NRG1: variants seen among roughly 807,000 people sequenced by gnomAD.
NRG1 encodes neuregulin 1, also known as pro-neuregulin-1, membrane-bound isoform.
NRG1 carries 18 observed loss-of-function variants against 63.8 expected under a neutral mutation model. The ratio of observed to expected loss-of-function variants is 0.28; its 90% confidence interval spans 0.19 to 0.42. The LOEUF is 0.42. NRG1 is among the 10% of genes least tolerant of loss of function. The pLI is 1.00. For missense variants in NRG1, 762 were observed against 814.7 expected (o/e 0.94, Z 0.79); for synonymous variants, 302 against 301.3 (o/e 1.00, Z -0.02).
intron 5 of NRG1, among the ~76,000 whole-genome samples, chr8:32,648,641 A>G (rs925309054): frequency 6.6e-6 from 1 of 152,238 alleles, no homozygotes. Flanking sequence ...GAAAAACTTC[A>G]GCATCTGCAA....
At chr8:32,104,147 C>T (rs547603607) in intron 1 of NRG1, among the ~76,000 whole-genome samples, 7 of 152,160 alleles carry the variant, frequency 4.6e-5, no homozygotes, top group African/African-American at 1.7e-4. Context: ...AAACATACTA[C>T]AGACATACTA....
intron 1 of NRG1, among the ~76,000 whole-genome samples, chr8:32,194,568 C>G (rs1341163449): frequency 6.6e-6 from 1 of 152,034 alleles, no homozygotes; most frequent in Admixed American, 6.6e-5. Context: ...AAAAATTCAG[C>G]CCAGTAGACA....
At chr8:32,305,720 G>A (rs373351249) in intron 1 of NRG1, among the ~76,000 whole-genome samples, 3 of 152,192 alleles carry the variant, frequency 2.0e-5, no homozygotes, top group East Asian at 3.9e-4. Flanking sequence ...TATAGTCCTA[G>A]CACTTGCTGA....
At chr8:32,394,397 G>GT (rs1415120150) in intron 1 of NRG1, among the ~76,000 whole-genome samples, 3 of 152,150 alleles carry the variant, frequency 2.0e-5, no homozygotes, top group African/African-American at 7.2e-5. Context: ...CTTAAGCCAC[G>GT]TTTTATCTAC....
chr8:32,714,826 G>A (rs903792216), intron 5 of NRG1, among the ~76,000 whole-genome samples: 8 of 152,082 alleles, frequency 5.3e-5, no homozygotes, highest in South Asian at 2.1e-4. Context: ...AAGCTCAAGC[G>A]CGTGCACGCA....
chr8:32,433,506 G>T (rs58536928), intron 1 of NRG1, among the ~76,000 whole-genome samples: 1 of 152,160 alleles, frequency 6.6e-6, no homozygotes, highest in East Asian at 1.9e-4. Flanking sequence ...TTCCTTGTTC[G>T]GGAAATAATT....
chr8:32,116,599 C>T (rs1315318928), intron 1 of NRG1, among the ~76,000 whole-genome samples: 2 of 152,096 alleles, frequency 1.3e-5, no homozygotes, highest in Admixed American at 1.3e-4. Flanking sequence ...GTATGTTCCT[C>T]ATAAGTGCCT....
intron 1 of NRG1, among the ~76,000 whole-genome samples, chr8:31,934,415 GCT>G (rs371787506): frequency 1.4e-4 from 15 of 107,620 alleles, no homozygotes; most frequent in Non-Finnish European, 2.5e-4. Context: ...CCCTTTATTC[GCT>G]CTCTTTTTTT....
chr8:32,399,188 A>G (rs1812841246), intron 1 of NRG1, among the ~76,000 whole-genome samples: 1 of 152,234 alleles, frequency 6.6e-6, no homozygotes, highest in South Asian at 2.1e-4. Flanking sequence ...AAGGTTCATT[A>G]GCATGTGATG....
chr8:31,947,174 C>T (rs573145966), intron 1 of NRG1, among the ~76,000 whole-genome samples: 2 of 151,724 alleles, frequency 1.3e-5, no homozygotes, highest in East Asian at 3.9e-4. Context: ...GTGGCGGGCG[C>T]CTGTAGTCCC....
chr8:31,700,828 A>T (rs1362104893), intron 1 of NRG1, among the ~76,000 whole-genome samples: 2 of 152,154 alleles, frequency 1.3e-5, no homozygotes. Flanking sequence ...CTCATTGACT[A>T]TGGAAATAAT....
At chr8:32,414,843 G>T (rs773023331) in intron 1 of NRG1, among the ~76,000 whole-genome samples, 2 of 152,114 alleles carry the variant, frequency 1.3e-5, no homozygotes, top group Non-Finnish European at 2.9e-5. Context: ...AAGGTGCTTC[G>T]GTTGAATCTA....
At chr8:32,717,626 A>G (rs989521177) in intron 5 of NRG1, among the ~76,000 whole-genome samples, 1 of 152,176 alleles carries the variant, frequency 6.6e-6, no homozygotes, top group African/African-American at 2.4e-5. Context: ...TCAGTGAGGA[A>G]AATGTTGTGT....
chr8:32,146,806 GC>G (rs1836915380), intron 1 of NRG1, among the ~76,000 whole-genome samples: 2 of 151,692 alleles, frequency 1.3e-5, no homozygotes, highest in South Asian at 4.2e-4. Context: ...GGTGTTATTT[GC>G]CACTCCTTCT....
At chr8:31,907,671 G>A (rs1406601816) in intron 1 of NRG1, among the ~76,000 whole-genome samples, 3 of 152,060 alleles carry the variant, frequency 2.0e-5, no homozygotes, top group East Asian at 3.9e-4. Flanking sequence ...TGTGTTTTGA[G>A]GAGTTAAAAT....
intron 1 of NRG1, among the ~76,000 whole-genome samples, chr8:31,793,153 T>A (rs7820923): frequency 1.3e-5 from 2 of 152,106 alleles, no homozygotes; most frequent in Admixed American, 6.6e-5. Context: ...ACTCAAGGTC[T>A]GTTTTTTCAA....
chr8:32,300,294 A>C lies in NRG1; in HGVS notation c.38-295534A>C, dbSNP rs370691815. 5.3e-5 allele frequency among the ~76,000 whole-genome samples: 8 copies of C among 152,368 alleles called. No homozygotes were observed. The East Asian group carries it at 1.2e-3, about 22-fold the overall frequency. On this transcript the variant is annotated intron_variant, in intron 1 of 10. Coordinates refer to the NRG1 transcript ENST00000519301. ...TAAATAAAAATATTTTAAAACATTA[A>C]TAAAGAGGAAATGATTCTCATAGAA...
At chr8:32,708,908 A>G (rs1224077973) in intron 5 of NRG1, among the ~76,000 whole-genome samples, 1 of 152,230 alleles carries the variant, frequency 6.6e-6, no homozygotes, top group East Asian at 1.9e-4. Flanking sequence ...GATTTTTATG[A>G]TGGAAAGCAA....
chr8:32,460,255 A>C (rs1044396986), intron 1 of NRG1, among the ~76,000 whole-genome samples: 1 of 152,230 alleles, frequency 6.6e-6, no homozygotes, highest in Non-Finnish European at 1.5e-5. Context: ...GTGCTAATTA[A>C]TGACACTTTG....
Sources: allele counts gnomAD v4.1 joint callset (sites outside exome capture counted in the v4.1 genomes callset), GRCh38; gene constraint gnomAD v4.1.1; transcripts MANE v1.5; gene names NCBI Gene and HGNC (gene_info 2026-07-23, HGNC 2026-07-21).